Variants in SEC16A observed in about 807,000 individuals in gnomAD.
SEC16A encodes the protein protein transport protein Sec16A.
A neutral mutation model predicts 221.9 loss-of-function variants in SEC16A; 110 were observed. That is an observed-to-expected ratio of 0.50 (90% CI 0.42 to 0.58). The LOEUF (loss-of-function observed/expected upper bound fraction) is 0.58, where lower values mean the gene tolerates loss of function less well. SEC16A is among the 20% of genes least tolerant of loss of function. The pLI, the probability that SEC16A is intolerant of heterozygous loss-of-function variation, is 0.00. For synonymous variants in SEC16A, 1,393 were observed against 1,257.7 expected, an observed-to-expected ratio of 1.11 and a Z score of -2.28; for missense variants, 3,165 against 3,097.8, an observed-to-expected ratio of 1.02 and a Z score of -0.52.
In SEC16A at chr9:136,475,908, G is replaced by C; in HGVS notation, c.1708C>G (p.Pro570Ala). The change falls in exon 3 of 32, where the codon CCC (proline) becomes GCC (alanine). Residue 570 changes from proline to alanine, a missense_variant. Pro to Ala is a conservative substitution (Grantham distance 27). Around this residue, in one of 3 missense-constraint regions of SEC16A, gnomAD observed 2,030 missense variants for 1,923.1 expected, o/e 1.06. Transcript: ENST00000684901. This position sits in a 1 kb window ranked among gnomAD's most constrained non-coding sequence, Gnocchi z 5.0. ...GSFFKQIDSS[P>A]VGGETDETTV... ...GTCTCGTCTGTTTCACCTCCTACGGGAGAAGAATCGATTTGCTTAAAAAAA... is the reference window on the plus strand; with the variant it reads ...GTCTCGTCTGTTTCACCTCCTACGGCAGAAGAATCGATTTGCTTAAAAAAA... 1.2e-6 allele frequency: 2 copies of C among 1,611,908 alleles called. No individual in the cohort carries two copies. The highest frequency in any genetic ancestry group is 1.7e-6 in the Non-Finnish European group (2 of 1,178,982).
chr9:136,460,583 TTTC>T (rs1185461791), intron 13 of SEC16A, among the ~76,000 whole-genome samples: 1 of 151,398 alleles, frequency 6.6e-6, no homozygotes, highest in Non-Finnish European at 1.5e-5. Flanking sequence ...TTTATTTTTC[TTTC>T]TTATCTCAAT....
intron 3 of SEC16A, among the ~76,000 whole-genome samples, chr9:136,473,006 G>A (rs1048597530): frequency 1.3e-5 from 2 of 152,256 alleles, no homozygotes; most frequent in Admixed American, 6.5e-5. Flanking sequence ...GAATGTCCTT[G>A]TATGGAAATA....
intron 23 of SEC16A, among the ~76,000 whole-genome samples, chr9:136,449,559 TG>T (rs148045636): frequency 0.023 from 3,435 of 151,910 alleles, 168 homozygotes; most frequent in African/African-American, 0.077. Context: ...CCCAGAATGC[TG>T]GGGTGACAGG....
intron 19 of SEC16A, 58 bp downstream of exon 19, chr9:136,455,995 A>G: frequency 7.2e-7 from 1 of 1,393,824 alleles, no homozygotes; most frequent in South Asian, 1.2e-5. Context: ...TGTGGAAATG[A>G]CAGGGACAGA....
Position 136,474,786 on chromosome 9 carries a change from C to G in SEC16A, c.2830G>C (p.Asp944His). The G allele has an allele frequency of 6.2e-7, 1 of 1,613,972 alleles. No individual in the cohort carries two copies. The highest frequency in any genetic ancestry group is 8.5e-7 in the Non-Finnish European group (1 of 1,179,886). Residue 944 changes from aspartate to histidine, a missense_variant, in exon 3 of 32, where the codon GAT becomes CAT. Physicochemically the swap from Asp to His is moderately conservative, Grantham distance 81 (BLOSUM62 -1). Around this residue, in one of 3 missense-constraint regions of SEC16A, gnomAD observed 2,030 missense variants for 1,923.1 expected, o/e 1.06. Coordinates refer to ENST00000684901, the MANE Select transcript of SEC16A (RefSeq NM_014866.2). The part of the protein sequence containing the change: ...PENLVPESQK[D>H]RKAGSALPGF... ...GGAAGAGCACTTCCTGCCTTACGAT[C>G]CTTTTGACTTTCTGGAACCAAGTTC...
intron 10 of SEC16A, 35 bp downstream of exon 10, chr9:136,463,644 G>T (rs755684796): frequency 2.5e-6 from 4 of 1,613,466 alleles, no homozygotes; most frequent in Non-Finnish European, 3.4e-6. Context: ...CTGCAAGGCC[G>T]GGCTCACAAA....
intron 31 of SEC16A, 89 bp from the exon 32 acceptor site, chr9:136,441,912 A>G: frequency 8.8e-7 from 1 of 1,137,696 alleles, no homozygotes; most frequent in Admixed American, 1.8e-5. Flanking sequence ...TGGTCCACAT[A>G]ATGAACCACA....
In SEC16A at chr9:136,475,694, C is replaced by T. The variant is rs569098481; in HGVS notation, c.1922G>A (p.Arg641His). ...GGCAGCTGGTCTGCACTGCTTCTGG[C>T]GGACACAGGTCTCCCTTACTTCACC... ...VVGEVRETCVRQKQCRPAAAL... is the reference protein window; with the variant it reads ...VVGEVRETCVHQKQCRPAAAL... The change falls in exon 3 of 32, where the codon CGC (arginine) becomes CAC (histidine). Residue 641 changes from arginine (R) to histidine (H), a missense_variant. Transcript: ENST00000684901. This position sits in a 1 kb window ranked among gnomAD's most constrained non-coding sequence, Gnocchi z 5.0. 11 of 1,613,362 alleles carry T rather than the reference C, an allele frequency of 6.8e-6. No individual in the cohort carries two copies. The highest frequency in any genetic ancestry group is 1.3e-5 in the African/African-American group (1 of 75,032).
chr9:136,482,924 GC>G lies in SEC16A; in HGVS notation c.-192+13del, dbSNP rs1452324591. The G allele has an allele frequency of 1.0e-6, 1 of 969,174 alleles. No homozygotes were observed. The highest frequency in any genetic ancestry group is 1.2e-6 in the Non-Finnish European group (1 of 815,532). The allele number at this position is 969,174 out of a possible 1,614,324, so 60.0% of individuals were successfully genotyped here. A position where few individuals can be genotyped will look rare whatever the true frequency, so the allele number is the denominator to read the frequency against. ...CTCCCGCGCTCGCCCCCTCACCCGCGCTCGCCCCCTCACCCGCGCGGCTGAG... is the reference window on the plus strand; with the variant it reads ...CTCCCGCGCTCGCCCCCTCACCCGCGTCGCCCCCTCACCCGCGCGGCTGAG... On this transcript the variant is annotated intron_variant, in intron 1 of 31. Coordinates refer to ENST00000684901, the MANE Select transcript of SEC16A (RefSeq NM_014866.2).
At position 136,441,736 on chromosome 9, in the gene SEC16A, A is replaced by G. The variant is rs1836207682; in HGVS notation, c.*19T>C. 8 of 1,612,152 alleles carry G rather than the reference A, an allele frequency of 5.0e-6. No homozygotes were observed. The highest frequency in any genetic ancestry group is 6.8e-6 in the Non-Finnish European group (8 of 1,178,778). ...CAGCAGCGTCAGGGCTCCAAGTGCA[A>G]GTTCACAGCAGGGCAAGCCTAGTTC... is the stretch of plus-strand genomic sequence containing the variant. On this transcript the variant is annotated 3_prime_UTR_variant, in exon 32 of 32. Coordinates refer to ENST00000684901, the MANE Select transcript of SEC16A (RefSeq NM_014866.2).
At chr9:136,479,913 G>T (rs544172118) in intron 1 of SEC16A, among the ~76,000 whole-genome samples, 1 of 151,992 alleles carries the variant, frequency 6.6e-6, no homozygotes, top group South Asian at 2.1e-4. Flanking sequence ...GAGGTGGGAA[G>T]ATCGCTTGAG....
intron 28 of SEC16A, among the ~76,000 whole-genome samples, chr9:136,446,404 C>T (rs572272464): frequency 5.9e-5 from 9 of 151,798 alleles, no homozygotes; most frequent in South Asian, 2.1e-4. Context: ...CCACCACTCC[C>T]GACTGGTCTG....
Position 136,474,489 on chromosome 9 carries a change from G to A in SEC16A, c.3127C>T (p.Gln1043Ter). The A allele has an allele frequency of 6.2e-7, 1 of 1,613,124 alleles. No individual in the cohort carries two copies. Among genetic ancestry groups the A allele is most frequent in the Non-Finnish European group, 8.5e-7 (1 of 1,179,866 alleles). The change falls in exon 3 of 32, where the codon CAG becomes TAG. Residue 1043 changes from glutamine (Q) to a stop codon, truncating the protein, a stop_gained. Coordinates refer to ENST00000684901, the MANE Select transcript of SEC16A (RefSeq NM_014866.2). LOFTEE classifies it high-confidence loss of function. ...TGGCCCTGGGCATCTTTCGTGACCT[G>A]CTGATAAAAACGGTCAAGGTTAGGC... ...GAPNLDRFYQ[Q>*]VTKDAQGQPG...
In SEC16A at chr9:136,474,239, G is replaced by A. The variant is rs770317063; in HGVS notation, c.3377C>T (p.Ser1126Phe). The change falls in exon 3 of 32, where the codon TCC becomes TTC. Residue 1126 changes from serine to phenylalanine, a missense_variant. This residue lies in a region of SEC16A where 2,030 missense variants were observed against 1,923.1 expected (regional missense o/e 1.06). Transcript: ENST00000684901. ...CACAGCTGCCTGGCCGGAGCCACTG[G>A]ACACCAGAGACACGCTAGAGGACTG... ...PPQSSSVSLV[S>F]SGSGQAAVPS... 1 of 1,609,330 alleles carries A rather than the reference G, an allele frequency of 6.2e-7. No individual in the cohort carries two copies. Among genetic ancestry groups the A allele is most frequent in the Non-Finnish European group, 8.5e-7 (1 of 1,178,120 alleles).
At position 136,459,859 on chromosome 9, in the gene SEC16A, T is replaced by C. The variant is rs1432412868; in HGVS notation, c.5089A>G (p.Lys1697Glu). The C allele has an allele frequency of 6.2e-7, 1 of 1,613,334 alleles. No homozygotes were observed. The highest frequency in any genetic ancestry group is 8.5e-7 in the Non-Finnish European group (1 of 1,179,652). ...AGGTGCGGCCTCCAATCTCCCCATT[T>C]CTCGTCTCCACAGCACTAACATGAG... is the stretch of plus-strand genomic sequence containing the variant. The part of the protein sequence containing the change: ...PAASTCCGDE[K>E]WGDWRPHLAM... The change falls in exon 15 of 32, where the codon AAA becomes GAA. Residue 1697 changes from lysine (K) to glutamate (E), a missense_variant. Coordinates refer to ENST00000684901, the MANE Select transcript of SEC16A (RefSeq NM_014866.2). The surrounding 1 kb of genome is among the most constrained non-coding windows in gnomAD (Gnocchi z 6.1).
chr9:136,471,228 A>C (rs558666822), intron 4 of SEC16A, among the ~76,000 whole-genome samples: 1 of 151,950 alleles, frequency 6.6e-6, no homozygotes, highest in East Asian at 1.9e-4. Flanking sequence ...GCACTTTGGG[A>C]GACCAGGGCA....
In SEC16A at chr9:136,441,782, G is replaced by A. The variant is rs1836215846; in HGVS notation, c.7047C>T (p.Gly2349=). 1 of 1,613,390 alleles carries A rather than the reference G, an allele frequency of 6.2e-7. No homozygotes were observed. The highest frequency in any genetic ancestry group is 1.3e-5 in the African/African-American group (1 of 75,032). ...TSGSSRLGRI[G]QRKHLVLN ...AGTTCAGCACCAGGTGCTTCCTCTG[G>A]CCAATCCTCCCTAGCCTTGAGCTCC... The change falls in exon 32 of 32, where the codon GGC becomes GGT. Residue 2349 remains glycine (G), a synonymous_variant. Coordinates refer to ENST00000684901, the MANE Select transcript of SEC16A (RefSeq NM_014866.2).
At position 136,441,687 on chromosome 9, in the gene SEC16A, G is replaced by T; in HGVS notation, c.*68C>A. 6.9e-7 allele frequency: 1 copy of T among 1,451,984 alleles called. No homozygotes were observed. The highest frequency in any genetic ancestry group is 9.7e-7 in the Non-Finnish European group (1 of 1,035,494). The allele number at this position is 1,451,984 out of a possible 1,614,324, so 89.9% of individuals were successfully genotyped here. ...TGGGGGCGGGACGGAGATCGCGGAG[G>T]TCGGTCGGGTTCTTCGGGGAGAACA... On this transcript the variant is annotated 3_prime_UTR_variant, in exon 32 of 32. Coordinates refer to ENST00000684901, the MANE Select transcript of SEC16A (RefSeq NM_014866.2).
rs532987728 is a variant in SEC16A at position 136,463,815 on chromosome 9, C to T, written c.4447-75G>A. ...GCTGGCAGGCCGGCCAACCCAGGCA[C>T]GGATGCTGCCCGTGAGAGGAGAGGA... On this transcript the variant is annotated intron_variant, in intron 9 of 31. Transcript: ENST00000684901. 276 of 1,520,858 alleles carry T rather than the reference C, an allele frequency of 1.8e-4. 1 individual carries two copies. In the African/African-American group the frequency reaches 3.2e-3, roughly 17 times the overall value. 94.2% of individuals were successfully genotyped at this position (1,520,858 alleles called of 1,614,324 possible).
Sources: allele counts gnomAD v4.1 joint callset (sites outside exome capture counted in the v4.1 genomes callset), GRCh38; gene constraint gnomAD v4.1.1; regional missense constraint gnomAD v4.1.1; non-coding constraint Gnocchi (gnomAD v3.1); transcripts MANE v1.5; gene names NCBI Gene and HGNC (gene_info 2026-07-23, HGNC 2026-07-21).